The following PDGFD variants were observed in gnomAD, a reference collection of about 807,000 sequenced individuals.
PDGFD encodes the protein platelet derived growth factor D.
In PDGFD, 30 loss-of-function variants were observed where a neutral mutation model predicts 44.7. That is an observed-to-expected ratio of 0.67 (90% CI 0.50 to 0.91). PDGFD has a LOEUF of 0.91. PDGFD is among the 40% of genes least tolerant of loss of function. The probability of loss-of-function intolerance (pLI) is 0.00; values close to 1 mark genes in which losing one functional copy is unlikely to be tolerated. For missense variants in PDGFD, 445 were observed against 457.8 expected (o/e 0.97, Z 0.25); for synonymous variants, 173 against 168.4 (o/e 1.03, Z -0.21).
At chr11:103,956,109 T>C (rs531809000) in intron 3 of PDGFD, among the ~76,000 whole-genome samples, 56 of 151,422 alleles carry the variant, frequency 3.7e-4, no homozygotes, top group Admixed American at 1.8e-3. Flanking sequence ...ATGTGGACAA[T>C]GTGCAGGTTA....
intron 1 of PDGFD, among the ~76,000 whole-genome samples, chr11:104,161,032 G>A (rs762567527): frequency 5.3e-5 from 8 of 152,096 alleles, no homozygotes; most frequent in African/African-American, 1.4e-4. Context: ...CAGGACACCC[G>A]GCTTTTTTGC....
intron 1 of PDGFD, among the ~76,000 whole-genome samples, chr11:104,010,337 T>G (rs1482671981): frequency 6.6e-6 from 1 of 152,070 alleles, no homozygotes; most frequent in African/African-American, 2.4e-5. Flanking sequence ...TCTTCAAGAA[T>G]CTGAGTCCAC....
At chr11:103,945,318 C>T (rs190403997) in intron 4 of PDGFD, among the ~76,000 whole-genome samples, 3 of 152,218 alleles carry the variant, frequency 2.0e-5, no homozygotes, top group African/African-American at 7.2e-5. Context: ...CTGCTTGATA[C>T]GAGCTGAACC....
At chr11:104,102,849 G>T (rs888287739) in intron 1 of PDGFD, among the ~76,000 whole-genome samples, 5 of 152,228 alleles carry the variant, frequency 3.3e-5, no homozygotes, top group Middle Eastern at 3.4e-3. Context: ...AACACCGCGT[G>T]TTCTCAGTCA....
chr11:104,094,090 G>A (rs1040468878), intron 1 of PDGFD, among the ~76,000 whole-genome samples: 4 of 148,030 alleles, frequency 2.7e-5, no homozygotes, highest in Admixed American at 7.0e-5. Flanking sequence ...AACAATCTTT[G>A]TGTTGTTCCA....
intron 1 of PDGFD, among the ~76,000 whole-genome samples, chr11:104,132,274 T>C (rs1375775435): frequency 6.6e-6 from 1 of 152,112 alleles, no homozygotes; most frequent in Non-Finnish European, 1.5e-5. Context: ...ACCTGAAACC[T>C]TGCATATTTT....
chr11:103,919,376 A>G (rs1202472624), intron 6 of PDGFD, among the ~76,000 whole-genome samples: 2 of 152,220 alleles, frequency 1.3e-5, no homozygotes, highest in Non-Finnish European at 2.9e-5. Context: ...TTTATTGAGA[A>G]TATAAAAAAA....
intron 1 of PDGFD, among the ~76,000 whole-genome samples, chr11:104,137,806 C>T (rs927814005): frequency 1.5e-5 from 2 of 136,476 alleles, no homozygotes; most frequent in African/African-American, 2.7e-5. Context: ...TTCTGTCCGA[C>T]ATTTGACACT....
At chr11:103,939,919 T>C (rs1858557514) in intron 5 of PDGFD, among the ~76,000 whole-genome samples, 1 of 152,128 alleles carries the variant, frequency 6.6e-6, no homozygotes, top group Non-Finnish European at 1.5e-5. Context: ...GAAAGTTGAA[T>C]ATATTAACTT....
At chr11:104,106,101 A>G (rs140413735) in intron 1 of PDGFD, among the ~76,000 whole-genome samples, 3 of 152,282 alleles carry the variant, frequency 2.0e-5, no homozygotes, top group African/African-American at 4.8e-5. Flanking sequence ...TTAGAAACTT[A>G]TATTTCTGAA....
chr11:104,027,734 T>C (rs1437709418), intron 1 of PDGFD, among the ~76,000 whole-genome samples: 1 of 152,210 alleles, frequency 6.6e-6, no homozygotes, highest in Admixed American at 6.5e-5. Context: ...TGTCCTTTTA[T>C]AAAAAAATAG....
At chr11:104,017,050 C>T (rs1859868142) in intron 1 of PDGFD, among the ~76,000 whole-genome samples, 1 of 152,178 alleles carries the variant, frequency 6.6e-6, no homozygotes, top group Non-Finnish European at 1.5e-5. Context: ...GATTAGATCA[C>T]AAGGCAGAGC....
At chr11:104,157,889 A>G (rs1483239795) in intron 1 of PDGFD, among the ~76,000 whole-genome samples, 9 of 152,076 alleles carry the variant, frequency 5.9e-5, no homozygotes, top group Admixed American at 4.6e-4. Flanking sequence ...AGATATTTCA[A>G]AACAACATGC....
chr11:104,138,165 C>A (rs1006421692), intron 1 of PDGFD, among the ~76,000 whole-genome samples: 5 of 152,064 alleles, frequency 3.3e-5, no homozygotes, highest in Non-Finnish European at 5.9e-5. Flanking sequence ...TGTAATAATT[C>A]TATGAATTAA....
Position 104,000,027 on chromosome 11 carries a change from G to A in PDGFD, c.329+24C>T, listed in dbSNP as rs11226108. The A allele has an allele frequency of 2.9e-5, 46 of 1,590,166 alleles. No individual in the cohort carries two copies. In the African/African-American group the frequency reaches 3.8e-4, roughly 13 times the overall value. On this transcript the variant is annotated intron_variant, in intron 2 of 6. Coordinates refer to ENST00000393158, the MANE Select transcript of PDGFD (RefSeq NM_025208.5). ...TCTTTTTTCACCTTGAAATAGTACC[G>A]TAAAAATTTTTTTCCCAACTTACCT... is the stretch of plus-strand genomic sequence containing the variant.
chr11:103,926,824 G>T (rs1858322482), intron 6 of PDGFD, 88 bp downstream of exon 6: 2 of 1,366,770 alleles, frequency 1.5e-6, no homozygotes, highest in East Asian at 5.0e-5. Flanking sequence ...CTTGTGCAGT[G>T]AACAACCTGA....
At chr11:104,056,964 C>T (rs1591142388) in intron 1 of PDGFD, among the ~76,000 whole-genome samples, 2 of 152,156 alleles carry the variant, frequency 1.3e-5, no homozygotes, top group Non-Finnish European at 2.9e-5. Flanking sequence ...CCCGTGTCTA[C>T]TAAAATACAA....
chr11:104,000,367 C>T (rs2134366474), intron 1 of PDGFD, 112 bp from the exon 2 acceptor site: 1 of 959,320 alleles, frequency 1.0e-6, no homozygotes, highest in Non-Finnish European at 1.6e-6. Flanking sequence ...TTTATTTTGC[C>T]TAAAAACATT....
chr11:104,071,554 C>T (rs1860877651), intron 1 of PDGFD, among the ~76,000 whole-genome samples: 1 of 151,538 alleles, frequency 6.6e-6, no homozygotes, highest in Admixed American at 6.6e-5. Flanking sequence ...AAAAGTATCC[C>T]TTTGTCTATT....
Sources: allele counts gnomAD v4.1 joint callset (sites outside exome capture counted in the v4.1 genomes callset), GRCh38; gene constraint gnomAD v4.1.1; transcripts MANE v1.5; gene names NCBI Gene and HGNC (gene_info 2026-07-23, HGNC 2026-07-21).